Variants in ATP11A observed in about 807,000 individuals in gnomAD.
ATP11A encodes the protein ATPase phospholipid transporting 11A, also known as phospholipid-transporting ATPase IH.
Under a neutral mutation model 154.4 loss-of-function variants are expected in ATP11A, and 81 were observed. The ratio of observed to expected loss-of-function variants is 0.52; its 90% confidence interval spans 0.44 to 0.63. The LOEUF is 0.63. ATP11A is among the 30% of genes least tolerant of loss of function. The pLI is 0.00. For missense variants in ATP11A, 1,316 were observed against 1,474.3 expected (o/e 0.89, Z 1.76); for synonymous variants, 623 against 585.9 (o/e 1.06, Z -0.91).
At chr13:112,738,364 A>C (rs1891199844) in intron 1 of ATP11A, among the ~76,000 whole-genome samples, 1 of 143,974 alleles carries the variant, frequency 6.9e-6, no homozygotes, top group Non-Finnish European at 1.5e-5. Context: ...CAAGAGTGAA[A>C]CACCGTCTCA....
At chr13:112,717,289 C>G (rs890010044) in intron 1 of ATP11A, 2 of 152,188 alleles carry the variant, frequency 1.3e-5, no homozygotes, top group African/African-American at 4.8e-5. Context: ...TTCTCCTAAT[C>G]ACATCCAACT....
intron 1 of ATP11A, among the ~76,000 whole-genome samples, chr13:112,776,303 C>A (rs1220743253): frequency 6.6e-6 from 1 of 152,178 alleles, no homozygotes; most frequent in Non-Finnish European, 1.5e-5. Flanking sequence ...CCTTCCATCC[C>A]CGGACTGGGC....
At chr13:112,734,248 A>G (rs1259522544) in intron 1 of ATP11A, among the ~76,000 whole-genome samples, 1 of 151,962 alleles carries the variant, frequency 6.6e-6, no homozygotes, top group African/African-American at 2.4e-5. Context: ...TTGGCTTTTA[A>G]TTGGTGCTGG....
intron 1 of ATP11A, among the ~76,000 whole-genome samples, chr13:112,774,365 C>T (rs1021904649): frequency 6.6e-6 from 1 of 152,124 alleles, no homozygotes; most frequent in African/African-American, 2.4e-5. Context: ...GGTTGAGGAC[C>T]ATGTCTTCCT....
intron 16 of ATP11A, among the ~76,000 whole-genome samples, chr13:112,841,345 T>C (rs1352597899): frequency 2.1e-3 from 120 of 58,346 alleles, no homozygotes; most frequent in East Asian, 4.1e-3. Context: ...GCTTCAGGTG[T>C]AGAGGGGGCT....
intron 1 of ATP11A, among the ~76,000 whole-genome samples, chr13:112,756,035 C>A (rs915197040): frequency 1.3e-5 from 2 of 152,216 alleles, no homozygotes; most frequent in South Asian, 4.1e-4. Flanking sequence ...GAACCATTTC[C>A]GGTCACGGAA....
intron 16 of ATP11A, among the ~76,000 whole-genome samples, chr13:112,840,821 C>T (rs2079392249): frequency 6.6e-6 from 1 of 152,042 alleles, no homozygotes; most frequent in Admixed American, 6.5e-5. Flanking sequence ...AAGCTCCAGG[C>T]CTTGGATCCG....
chr13:112,739,277 A>C (rs1051279037), intron 1 of ATP11A, among the ~76,000 whole-genome samples: 4 of 152,224 alleles, frequency 2.6e-5, no homozygotes, highest in African/African-American at 4.8e-5. Flanking sequence ...ACTCATAACA[A>C]AATGATGCTC....
At chr13:112,836,339 A>T (rs965059248) in intron 16 of ATP11A, 88 bp downstream of exon 16, 1 of 744,838 alleles carries the variant, frequency 1.3e-6, no homozygotes, top group South Asian at 2.0e-5. Context: ...AGCTTTAAGG[A>T]TTTAGGGTTT....
At chr13:112,828,598 T>TCTCA (rs1249287029) in intron 12 of ATP11A, among the ~76,000 whole-genome samples, 2 of 151,680 alleles carry the variant, frequency 1.3e-5, no homozygotes, top group Admixed American at 1.3e-4. Context: ...CGGTGTTGAG[T>TCTCA]GCAAGGGAAA....
In ATP11A at chr13:112,881,859, CT is replaced by C; in HGVS notation, c.*10-16del. On this transcript the variant is annotated splice_polypyrimidine_tract_variant and intron_variant, in intron 29 of 29. Transcript: ENST00000375645. ...CGGGACCGCGACTCAGAATTCACCC[CT>C]CTTGCCTCTCTGCAGAGCCCAGGCT... 2 of 1,367,770 alleles carry C rather than the reference CT, an allele frequency of 1.5e-6. No individual in the cohort carries two copies. The highest frequency in any genetic ancestry group is 2.0e-6 in the Non-Finnish European group (2 of 1,021,992). 84.7% of individuals were successfully genotyped at this position (1,367,770 alleles called of 1,614,324 possible).
intron 1 of ATP11A, among the ~76,000 whole-genome samples, chr13:112,752,511 G>C (rs1206805070): frequency 6.6e-6 from 1 of 152,164 alleles, no homozygotes; most frequent in Non-Finnish European, 1.5e-5. Context: ...TGTGAGGGAC[G>C]GGGGCTCCTC....
At chr13:112,749,291 T>G (rs2076633830) in intron 1 of ATP11A, among the ~76,000 whole-genome samples, 1 of 152,252 alleles carries the variant, frequency 6.6e-6, no homozygotes. Flanking sequence ...AGCCTTCTAT[T>G]TCTTAATAGA....
intron 24 of ATP11A, among the ~76,000 whole-genome samples, chr13:112,861,793 A>C (rs2080109891): frequency 1.3e-5 from 2 of 152,222 alleles, no homozygotes; most frequent in Admixed American, 6.5e-5. Context: ...AAATCTAAGA[A>C]AATGGGAGAA....
chr13:112,833,352 A>G (rs550045027), intron 14 of ATP11A, among the ~76,000 whole-genome samples: 1 of 152,154 alleles, frequency 6.6e-6, no homozygotes. Flanking sequence ...TTTTAACACA[A>G]ATCTCCCTCC....
chr13:112,798,650 A>AT (rs1033309562), intron 2 of ATP11A, among the ~76,000 whole-genome samples: 7 of 152,140 alleles, frequency 4.6e-5, no homozygotes, highest in African/African-American at 1.4e-4. Flanking sequence ...CCACTAAGTA[A>AT]TTTTTTTAAA....
At chr13:112,756,272 C>T (rs9604422) in intron 1 of ATP11A, among the ~76,000 whole-genome samples, 28,428 of 152,180 alleles carry the variant, frequency 0.19, 2,934 homozygotes, top group African/African-American at 0.27. Context: ...TGCGAATCGA[C>T]CTCTGACCCC....
At chr13:112,760,288 G>T (rs4907544) in intron 1 of ATP11A, among the ~76,000 whole-genome samples, 5 of 152,104 alleles carry the variant, frequency 3.3e-5, no homozygotes, top group Non-Finnish European at 5.9e-5. Context: ...GCTTCCCTTC[G>T]TCCAGGCGCT....
At chr13:112,871,913 C>G (rs2080534877) in intron 26 of ATP11A, 113 bp downstream of exon 26, 1 of 1,187,548 alleles carries the variant, frequency 8.4e-7, no homozygotes, top group Non-Finnish European at 1.2e-6. Flanking sequence ...CTGGAAGCCA[C>G]TCTCCACCCA....
Sources: gnomAD v4.1 joint callset for allele counts (sites outside exome capture counted in the v4.1 genomes callset) on GRCh38, gnomAD v4.1.1 for gene constraint, MANE v1.5 for transcripts, NCBI Gene and HGNC (gene_info 2026-07-23, HGNC 2026-07-21) for gene names.